Variants in HYLS1 observed in about 807,000 individuals in gnomAD.
HYLS1 encodes HYLS1 centriolar and ciliogenesis associated, also known as centriolar and ciliogenesis-associated protein HYLS1.
In HYLS1, 25 loss-of-function variants were observed where a neutral mutation model predicts 29.4. The ratio of observed to expected loss-of-function variants is 0.85; its 90% confidence interval spans 0.62 to 1.19. The LOEUF (loss-of-function observed/expected upper bound fraction) is 1.19, where lower values mean the gene tolerates loss of function less well. Among genes scored for constraint, HYLS1 ranks in the 50% most tolerant of loss-of-function variants. The pLI is 0.00. For synonymous variants in HYLS1, 128 were observed against 126.7 expected, an observed-to-expected ratio of 1.01 and a Z score of -0.07; for missense variants, 352 against 365.1, an observed-to-expected ratio of 0.96 and a Z score of 0.29.
chr11:125,900,558 T>A lies in HYLS1; in HGVS notation c.*290T>A. 1 of 407,308 alleles carries A rather than the reference T, an allele frequency of 2.5e-6. No homozygotes were observed. Among genetic ancestry groups the A allele is most frequent in the South Asian group, 2.4e-5 (1 of 41,984 alleles). The allele number at this position is 407,308 out of a possible 1,614,324, so 25.2% of individuals were successfully genotyped here. ...GCCCTTTGTGTCCTGTAACTTTTTT[T>A]ACCTATCAATATGAGTTGCTGTGCT... On this transcript the variant is annotated 3_prime_UTR_variant, in exon 3 of 3. Transcript: ENST00000425380.
At position 125,893,903 on chromosome 11, in the gene HYLS1, T is replaced by C. The variant is rs2134239535; in HGVS notation, c.-26+2431T>C. 4.3e-6 allele frequency: 7 copies of C among 1,614,162 alleles called. No homozygotes were observed. The highest frequency in any genetic ancestry group is 2.2e-5 in the East Asian group (1 of 44,878). The stretch of plus-strand genomic sequence containing the variant: ...CCTTTTGGCTTTTGTTTCTTCCTCA[T>C]GGAATAAATGTGGGTGCTCAATTCG... On this transcript the variant is annotated intron_variant, in intron 2 of 2. Coordinates refer to ENST00000425380, the MANE Select transcript of HYLS1 (RefSeq NM_001134793.2).
chr11:125,888,271 C>G (rs1591492270), intron 1 of HYLS1: 1 of 152,218 alleles, frequency 6.6e-6, no homozygotes, highest in East Asian at 1.9e-4. Context: ...GTTTGTCCAC[C>G]CCGAAATGGA....
Position 125,899,417 on chromosome 11 carries a change from G to C in HYLS1, c.49G>C (p.Glu17Gln). The C allele has an allele frequency of 6.2e-7, 1 of 1,614,222 alleles. No individual in the cohort carries two copies. The highest frequency in any genetic ancestry group is 8.5e-7 in the Non-Finnish European group (1 of 1,180,030). The change falls in exon 3 of 3, where the codon GAA (glutamate) becomes CAA (glutamine). Residue 17 changes from glutamate to glutamine, a missense_variant. By Grantham distance (29) the Glu-to-Gln change is conservative (BLOSUM62 2). Transcript: ENST00000425380. ...ACAAATATGGGCTAATATGGATCCA[G>C]AAGAACGAATGTTGGCAGCTGCTAC... ...DGQIWANMDP[E>Q]ERMLAAATAF...
At position 125,891,494 on chromosome 11, in the gene HYLS1, A is replaced by AAC. The variant is rs1185818843; in HGVS notation, c.-26+23_-26+24insCA. ...TAAGGTAAGAAATTGAAAAAAAAAA[A>AAC]AAAAAACCTTGGTTTGCACTTACAT... On this transcript the variant is annotated intron_variant, in intron 2 of 2. Coordinates refer to ENST00000425380, the MANE Select transcript of HYLS1 (RefSeq NM_001134793.2). 6 of 151,492 alleles carry AAC rather than the reference A, an allele frequency of 4.0e-5. No individual in the cohort carries two copies. The South Asian group carries it at 8.3e-4, about 21-fold the overall frequency. The allele number at this position is 151,492 out of a possible 1,614,324, so 9.4% of individuals were successfully genotyped here. A position where few individuals can be genotyped will look rare whatever the true frequency, so the allele number is the denominator to read the frequency against.
rs755751324 is a variant in HYLS1, at chr11:125,895,274, A to G, written c.-26+3802A>G. ...TCTCTATATTCAGCAGCTCATCAAT[A>G]ATCTCTGGCTTCTCCATTCCTTGGC... On this transcript the variant is annotated intron_variant, in intron 2 of 2. Transcript: ENST00000425380. 5.0e-6 allele frequency: 8 copies of G among 1,609,036 alleles called. No individual in the cohort carries two copies. The highest frequency in any genetic ancestry group is 6.8e-6 in the Non-Finnish European group (8 of 1,178,450).
intron 1 of HYLS1, among the ~76,000 whole-genome samples, chr11:125,890,364 A>G (rs1393394348): frequency 6.6e-6 from 1 of 152,226 alleles, no homozygotes; most frequent in Non-Finnish European, 1.5e-5. Flanking sequence ...TAAACGTGTT[A>G]CAAGTATTTC....
At chr11:125,884,765 C>G (rs1443643792), upstream of HYLS1, among the ~76,000 whole-genome samples, 1 of 152,196 alleles carries the variant, frequency 6.6e-6, no homozygotes, top group African/African-American at 2.4e-5. Flanking sequence ...AGCAACAAGA[C>G]TGGTCATAAG....
chr11:125,884,245 A>T (rs913349563), upstream of HYLS1, among the ~76,000 whole-genome samples: 6 of 152,360 alleles, frequency 3.9e-5, no homozygotes, highest in South Asian at 1.2e-3. Flanking sequence ...AAAAAGAAAG[A>T]CAAGTAGAAA....
At chr11:125,886,572 ATTTTTTTTTTTTT>A (rs68098484), upstream of HYLS1, among the ~76,000 whole-genome samples, 6 of 117,462 alleles carry the variant, frequency 5.1e-5, no homozygotes, top group Non-Finnish European at 1.0e-4. Context: ...CAAGCACTAG[ATTTTTTTTTTTTT>A]TTTTTTTTTT....
At chr11:125,895,373 A>C (rs1486161519) in intron 2 of HYLS1, 2 of 1,614,018 alleles carry the variant, frequency 1.2e-6, no homozygotes, top group Non-Finnish European at 1.7e-6. Context: ...CTTCAAACTG[A>C]CATAACTGGA....
At chr11:125,886,572 A>ATTTTTTTTT (rs68098484), upstream of HYLS1, among the ~76,000 whole-genome samples, 1 of 117,460 alleles carries the variant, frequency 8.5e-6, no homozygotes, top group African/African-American at 3.6e-5. Context: ...CAAGCACTAG[A>ATTTTTTTTT]TTTTTTTTTT....
chr11:125,897,035 T>C lies in HYLS1; in HGVS notation c.-25-2309T>C, dbSNP rs553620132. Among the ~76,000 whole-genome samples, 35 of 152,328 alleles carry C rather than the reference T, an allele frequency of 2.3e-4. No homozygotes were observed. In the South Asian group the frequency reaches 6.2e-3, roughly 27 times the overall value. ...CCTCTAATAGTTTAAAAAGTCAGTCTGATGTAATGTAGATGTCAGTGTAGA... is the reference window on the plus strand; with the variant it reads ...CCTCTAATAGTTTAAAAAGTCAGTCCGATGTAATGTAGATGTCAGTGTAGA... On this transcript the variant is annotated intron_variant, in intron 2 of 2. Coordinates refer to ENST00000425380, the MANE Select transcript of HYLS1 (RefSeq NM_001134793.2).
chr11:125,886,428 C>G (rs1470089417), upstream of HYLS1, among the ~76,000 whole-genome samples: 1 of 152,056 alleles, frequency 6.6e-6, no homozygotes, highest in Admixed American at 6.6e-5. Flanking sequence ...CAACTAGCAC[C>G]TATTTGTTTA....
upstream of HYLS1, among the ~76,000 whole-genome samples, chr11:125,885,595 T>A (rs1944291909): frequency 6.6e-6 from 1 of 152,234 alleles, no homozygotes; most frequent in Non-Finnish European, 1.5e-5. Context: ...GAAAAAGTCA[T>A]GCTGGCATAA....
At chr11:125,885,355 G>A (rs936166743), upstream of HYLS1, among the ~76,000 whole-genome samples, 7 of 152,144 alleles carry the variant, frequency 4.6e-5, no homozygotes, top group African/African-American at 1.7e-4. Flanking sequence ...GGAGACTGAG[G>A]CATGAAAATC....
intron 2 of HYLS1, chr11:125,895,374 C>A (rs1944549721): frequency 6.2e-7 from 1 of 1,614,094 alleles, no homozygotes; most frequent in Non-Finnish European, 8.5e-7. Context: ...TTCAAACTGA[C>A]ATAACTGGAA....
intron 1 of HYLS1, among the ~76,000 whole-genome samples, chr11:125,888,962 G>A (rs1364160661): frequency 2.6e-5 from 4 of 152,074 alleles, no homozygotes; most frequent in Non-Finnish European, 4.4e-5. Context: ...GAAAATACTC[G>A]AAATTTCATC....
chr11:125,889,212 T>A (rs781401567), intron 1 of HYLS1, among the ~76,000 whole-genome samples: 7 of 152,234 alleles, frequency 4.6e-5, no homozygotes, highest in Non-Finnish European at 7.3e-5. Flanking sequence ...CCATTTTTAA[T>A]GGATGCGTGG....
At chr11:125,891,535 C>T (rs2134233921) in intron 2 of HYLS1, 63 bp downstream of exon 2, 1 of 144,532 alleles carries the variant, frequency 6.9e-6, no homozygotes. Flanking sequence ...AGTTATTCCA[C>T]CATGATCATT....
Sources: allele counts gnomAD v4.1 joint callset (sites outside exome capture counted in the v4.1 genomes callset), GRCh38; gene constraint gnomAD v4.1.1; transcripts MANE v1.5; gene names NCBI Gene and HGNC (gene_info 2026-07-23, HGNC 2026-07-21).